The following PPP1R16B variants were observed in gnomAD, a reference collection of about 807,000 sequenced individuals.
PPP1R16B encodes the protein protein phosphatase 1 regulatory inhibitor subunit 16B.
In PPP1R16B, 14 loss-of-function variants were observed where a neutral mutation model predicts 61.7. The observed-to-expected ratio is 0.23, with a 90% CI of 0.15 to 0.35. The LOEUF is 0.35. Ranked by LOEUF, PPP1R16B falls within the 10% of genes least tolerant of loss-of-function variation. The pLI is 1.00. For missense variants in PPP1R16B, 547 were observed against 752.5 expected, an observed-to-expected ratio of 0.73 and a Z score of 3.19; for synonymous variants, 266 against 305.3, an observed-to-expected ratio of 0.87 and a Z score of 1.34.
At chr20:38,844,723 C>T (rs905930787) in intron 2 of PPP1R16B, among the ~76,000 whole-genome samples, 1 of 152,110 alleles carries the variant, frequency 6.6e-6, no homozygotes, top group Non-Finnish European at 1.5e-5. Flanking sequence ...ATTGCTAGTA[C>T]AGCTTGGTGC....
chr20:38,859,173 G>A (rs1169398153), intron 2 of PPP1R16B, among the ~76,000 whole-genome samples: 2 of 152,180 alleles, frequency 1.3e-5, no homozygotes, highest in Admixed American at 6.5e-5. Flanking sequence ...ACTGCCATGG[G>A]AGGCTACCTG....
chr20:38,884,782 A>G (rs1293334591), intron 2 of PPP1R16B, among the ~76,000 whole-genome samples: 1 of 151,820 alleles, frequency 6.6e-6, no homozygotes, highest in African/African-American at 2.4e-5. Context: ...TTAAAAAAAG[A>G]AGGCGGCGGA....
intron 5 of PPP1R16B, among the ~76,000 whole-genome samples, chr20:38,901,059 G>A (rs1470219547): frequency 6.6e-6 from 1 of 152,212 alleles, no homozygotes; most frequent in East Asian, 1.9e-4. Context: ...TGCCTGCTCT[G>A]TGCCAGGCAC....
intron 2 of PPP1R16B, among the ~76,000 whole-genome samples, chr20:38,851,220 T>C (rs1246470531): frequency 1.3e-5 from 2 of 150,336 alleles, no homozygotes; most frequent in African/African-American, 4.9e-5. Context: ...ATCCCAGCAC[T>C]TTGGGAGGCC....
At chr20:38,818,447 C>T (rs542793999) in intron 1 of PPP1R16B, among the ~76,000 whole-genome samples, 5 of 152,208 alleles carry the variant, frequency 3.3e-5, no homozygotes, top group South Asian at 2.1e-4. Flanking sequence ...AGATATTGGA[C>T]GGTTTAGGCT....
intron 2 of PPP1R16B, among the ~76,000 whole-genome samples, chr20:38,844,925 G>A (rs2084927900): frequency 6.6e-6 from 1 of 152,170 alleles, no homozygotes. Context: ...GGTCAACAAG[G>A]AATGGGACAA....
At chr20:38,885,172 A>G (rs2085235537) in intron 2 of PPP1R16B, among the ~76,000 whole-genome samples, 1 of 151,854 alleles carries the variant, frequency 6.6e-6, no homozygotes, top group African/African-American at 2.4e-5. Context: ...TGGTCAACAT[A>G]GTGAGACCCC....
At chr20:38,817,671 A>T (rs184913193) in intron 1 of PPP1R16B, among the ~76,000 whole-genome samples, 4 of 152,244 alleles carry the variant, frequency 2.6e-5, no homozygotes, top group Admixed American at 2.6e-4. Flanking sequence ...AGCTATTGTC[A>T]TTTTAGCACT....
intron 6 of PPP1R16B, among the ~76,000 whole-genome samples, chr20:38,903,659 T>G (rs2085416706): frequency 6.6e-6 from 1 of 152,110 alleles, no homozygotes. Context: ...CACACAGTTA[T>G]GAGCACCTCC....
intron 3 of PPP1R16B, among the ~76,000 whole-genome samples, chr20:38,892,483 CATT>C (rs1007432881): frequency 1.3e-5 from 2 of 152,156 alleles, no homozygotes; most frequent in Admixed American, 1.3e-4. Flanking sequence ...CATCCACCCT[CATT>C]AGCCTGTGAG....
rs569112987 is a variant in PPP1R16B at position 38,911,597 on chromosome 20, C to T, written c.1194+3404C>T. ...TGTCACCCAAGCTAGAGTGCAGTGG[C>T]GTGCTCTTGGCTCACTACAACCTCT... On this transcript the variant is annotated intron_variant, in intron 10 of 10. Transcript: ENST00000299824. Among the ~76,000 whole-genome samples the T allele has an allele frequency of 1.3e-4, 20 of 150,690 alleles. No individual in the cohort carries two copies. The South Asian group carries it at 1.7e-3, about 13-fold the overall frequency.
At chr20:38,903,624 TCCATCCATCCAG>T (rs2085416212) in intron 6 of PPP1R16B, among the ~76,000 whole-genome samples, 1 of 151,766 alleles carries the variant, frequency 6.6e-6, no homozygotes, top group African/African-American at 2.4e-5. Context: ...CATCATTCCA[TCCATCCATCCAG>T]CCATCCAGTC....
Position 38,870,155 on chromosome 20 carries a change from C to T in PPP1R16B, c.251-19440C>T, listed in dbSNP as rs560635716. Among the ~76,000 whole-genome samples, 17 of 152,200 alleles carry T rather than the reference C, an allele frequency of 1.1e-4. No individual in the cohort carries two copies. In the East Asian group the frequency reaches 3.3e-3, roughly 29 times the overall value. ...GCCAGGCTGGTCTTGAATTCCTGAC[C>T]TCAAGTGATTCACCTCAAGTGATCC... On this transcript the variant is annotated intron_variant, in intron 2 of 10. Transcript: ENST00000299824.
At chr20:38,817,794 C>T (rs2084747359) in intron 1 of PPP1R16B, among the ~76,000 whole-genome samples, 1 of 152,158 alleles carries the variant, frequency 6.6e-6, no homozygotes, top group Non-Finnish European at 1.5e-5. Flanking sequence ...CTTGTAATCC[C>T]AGCACTTTGG....
intron 4 of PPP1R16B, 127 bp from the exon 5 acceptor site, chr20:38,900,454 A>G (rs534713925): frequency 1.6e-6 from 1 of 640,772 alleles, no homozygotes; most frequent in Non-Finnish European, 2.7e-6. Flanking sequence ...TTGCTGGGGT[A>G]CACCTTGGTG....
intron 1 of PPP1R16B, among the ~76,000 whole-genome samples, chr20:38,819,933 T>C (rs2145708472): frequency 6.6e-6 from 1 of 152,222 alleles, no homozygotes; most frequent in Non-Finnish European, 1.5e-5. Flanking sequence ...AAGCCCCCTC[T>C]CCAACCCCGT....
At chr20:38,855,927 TATATATATATATATATAGAG>T (rs1409819755) in intron 2 of PPP1R16B, among the ~76,000 whole-genome samples, 1 of 54,770 alleles carries the variant, frequency 1.8e-5, no homozygotes, top group Admixed American at 2.3e-4. Flanking sequence ...TATATATATA[TATATATATATATATATAGAG>T]AGAGAGAGAG....
chr20:38,876,882 G>A (rs2085171605), intron 2 of PPP1R16B, among the ~76,000 whole-genome samples: 2 of 152,150 alleles, frequency 1.3e-5, no homozygotes, highest in African/African-American at 4.8e-5. Context: ...GGAAATACTG[G>A]CAAACACAAA....
chr20:38,906,000 G>C lies in PPP1R16B; in HGVS notation c.728G>C (p.Arg243Pro), dbSNP rs376912760. 6.2e-7 allele frequency: 1 copy of C among 1,613,438 alleles called. No individual in the cohort carries two copies. Among genetic ancestry groups the C allele is most frequent in the South Asian group, 1.1e-5 (1 of 91,060 alleles). Residue 243 changes from arginine (R) to proline (P), a missense_variant, in exon 7 of 11, where the codon CGG (arginine) becomes CCG (proline). Arg to Pro is a moderately radical substitution (Grantham distance 103). Transcript: ENST00000299824. ...ATAGCTGGAGCCAATGGATACCTGC[G>C]GGCAGCTGAGCTCCTCCTGGACCAT... The part of the protein sequence containing the change: ...LHIAGANGYL[R>P]AAELLLDHGV...
Sources: gnomAD v4.1 joint callset for allele counts (sites outside exome capture counted in the v4.1 genomes callset) on GRCh38, gnomAD v4.1.1 for gene constraint, MANE v1.5 for transcripts, NCBI Gene and HGNC (gene_info 2026-07-23, HGNC 2026-07-21) for gene names.